The following SLC44A5 variants were observed in gnomAD, a reference collection of about 807,000 sequenced individuals.
SLC44A5 encodes choline transporter-like protein 5.
A neutral mutation model predicts 101.8 loss-of-function variants in SLC44A5; 57 were observed. That is an observed-to-expected ratio of 0.56 (90% CI 0.45 to 0.70). SLC44A5 has a LOEUF of 0.70. SLC44A5 is among the 30% of genes least tolerant of loss of function. The pLI, the probability that SLC44A5 is intolerant of heterozygous loss-of-function variation, is 0.00. For synonymous variants in SLC44A5, 281 were observed against 290.9 expected, an observed-to-expected ratio of 0.97 and a Z score of 0.35; for missense variants, 737 against 853.1, an observed-to-expected ratio of 0.86 and a Z score of 1.70.
the SLC44A5 span, among the ~76,000 whole-genome samples, chr1:75,654,870 G>C: frequency 1.3e-5 from 2 of 151,916 alleles, no homozygotes; most frequent in Non-Finnish European, 2.9e-5. Context: ...TCTATTGCTC[G>C]AAAGTACTGG....
At chr1:75,569,423 G>A (rs1672958331) in intron 1 of SLC44A5, among the ~76,000 whole-genome samples, 1 of 151,514 alleles carries the variant, frequency 6.6e-6, no homozygotes, top group Non-Finnish European at 1.5e-5. Context: ...TGTATTTTTT[G>A]TAGAGACAAG....
intron 2 of SLC44A5, among the ~76,000 whole-genome samples, chr1:75,533,753 T>G (rs917363513): frequency 3.3e-5 from 5 of 152,196 alleles, no homozygotes; most frequent in African/African-American, 1.2e-4. Flanking sequence ...CTATGCACAT[T>G]TCCCCATTGC....
intron 2 of SLC44A5, among the ~76,000 whole-genome samples, chr1:75,409,274 C>A (rs762354837): frequency 2.0e-5 from 3 of 152,142 alleles, no homozygotes; most frequent in South Asian, 2.1e-4. Flanking sequence ...TTGTTTAGTA[C>A]CCTGAATATA....
At chr1:75,650,470 A>T in the SLC44A5 span, among the ~76,000 whole-genome samples, 1 of 152,238 alleles carries the variant, frequency 6.6e-6, no homozygotes, top group African/African-American at 2.4e-5. Flanking sequence ...TTTTCTTTGA[A>T]ATTCTATGCA....
chr1:75,410,574 C>G (rs1453478477), intron 2 of SLC44A5, among the ~76,000 whole-genome samples: 2 of 152,124 alleles, frequency 1.3e-5, no homozygotes, highest in Non-Finnish European at 2.9e-5. Flanking sequence ...AAGGTCCAGC[C>G]TCTTTCCTTA....
intron 2 of SLC44A5, among the ~76,000 whole-genome samples, chr1:75,507,481 T>G (rs1202440051): frequency 6.6e-6 from 1 of 152,180 alleles, no homozygotes; most frequent in Admixed American, 6.5e-5. Context: ...TTTGTGTCTA[T>G]GTTTATTAGG....
chr1:75,387,055 C>T (rs1211544090), intron 3 of SLC44A5, among the ~76,000 whole-genome samples: 6 of 151,948 alleles, frequency 3.9e-5, no homozygotes, highest in Non-Finnish European at 7.4e-5. Context: ...ATACAAAAAT[C>T]AATTCAAGAT....
chr1:75,342,506 A>T (rs1657959783), intron 3 of SLC44A5, among the ~76,000 whole-genome samples: 2 of 151,674 alleles, frequency 1.3e-5, no homozygotes, highest in African/African-American at 4.8e-5. Flanking sequence ...CTCAGCTAAC[A>T]AGAGGCGGAG....
chr1:75,234,050 C>G lies in SLC44A5; in HGVS notation c.789G>C (p.Leu263=), dbSNP rs1349812884. 1 of 1,613,506 alleles carries G rather than the reference C, an allele frequency of 6.2e-7. No homozygotes were observed. The highest frequency in any genetic ancestry group is 1.1e-5 in the South Asian group (1 of 91,046). The change falls in exon 12 of 24, where the codon CTG becomes CTC. Residue 263 remains leucine, a synonymous_variant. Coordinates refer to ENST00000370859, the MANE Select transcript of SLC44A5 (RefSeq NM_001130058.2). The part of the protein sequence containing the change: ...MVLSWIFLIL[L]RFIAGCLFWV... ...AGAAGAGGCATCCAGCTATGAACCT[C>G]AGAAGTATCAAAAATATCCAACTAA...
At chr1:75,256,699 T>A (rs1022365142) in intron 6 of SLC44A5, among the ~76,000 whole-genome samples, 1 of 151,734 alleles carries the variant, frequency 6.6e-6, no homozygotes, top group Non-Finnish European at 1.5e-5. Context: ...AAGTAAAAGG[T>A]GAAAGGGAAC....
chr1:75,282,735 C>T (rs1438040033), intron 5 of SLC44A5, among the ~76,000 whole-genome samples: 1 of 152,006 alleles, frequency 6.6e-6, no homozygotes, highest in Non-Finnish European at 1.5e-5. Flanking sequence ...GGGGCTTTTC[C>T]CCCTTTGCTC....
intron 5 of SLC44A5, among the ~76,000 whole-genome samples, chr1:75,287,745 A>C (rs1653189300): frequency 1.3e-5 from 2 of 152,132 alleles, no homozygotes; most frequent in Admixed American, 1.3e-4. Flanking sequence ...CAGTGGAACT[A>C]AAGGGCTGTG....
At chr1:75,244,463 A>T (rs1457685163) in intron 7 of SLC44A5, among the ~76,000 whole-genome samples, 1 of 152,106 alleles carries the variant, frequency 6.6e-6, no homozygotes, top group South Asian at 2.1e-4. Context: ...TTCTCTGAAT[A>T]TTGAACACCT....
chr1:75,371,936 C>A (rs1660252080), intron 3 of SLC44A5, among the ~76,000 whole-genome samples: 1 of 152,168 alleles, frequency 6.6e-6, no homozygotes, highest in African/African-American at 2.4e-5. Context: ...GTGGCTCAAG[C>A]CCGTAATCCC....
chr1:75,220,821 T>C (rs1294386039), intron 14 of SLC44A5, among the ~76,000 whole-genome samples: 1 of 152,170 alleles, frequency 6.6e-6, no homozygotes, highest in Non-Finnish European at 1.5e-5. Flanking sequence ...GCTACCTTCC[T>C]CACCTCACTA....
At chr1:75,428,517 T>C (rs1664437619) in intron 2 of SLC44A5, among the ~76,000 whole-genome samples, 1 of 152,194 alleles carries the variant, frequency 6.6e-6, no homozygotes, top group African/African-American at 2.4e-5. Context: ...AATGAAGCTT[T>C]AGAGTGCAAA....
intron 4 of SLC44A5, among the ~76,000 whole-genome samples, chr1:75,309,350 T>A (rs1330142841): frequency 6.6e-6 from 1 of 152,136 alleles, no homozygotes; most frequent in Non-Finnish European, 1.5e-5. Flanking sequence ...GAACTTGAGC[T>A]CACGAGTTCA....
At position 75,203,577 on chromosome 1, in the gene SLC44A5, A is replaced by T; in HGVS notation, c.*150T>A. The T allele has an allele frequency of 1.2e-6, 1 of 867,458 alleles. No homozygotes were observed. The highest frequency in any genetic ancestry group is 1.7e-6 in the Non-Finnish European group (1 of 591,606). 53.7% of individuals were successfully genotyped at this position (867,458 alleles called of 1,614,324 possible). The stretch of plus-strand genomic sequence containing the variant: ...TTCTGATGGCTTCACATAGTACAGT[A>T]TAAGCTTTGGTATAAAACATGCAAA... On this transcript the variant is annotated 3_prime_UTR_variant, in exon 24 of 24. Coordinates refer to ENST00000370859, the MANE Select transcript of SLC44A5 (RefSeq NM_001130058.2).
In SLC44A5 at chr1:75,588,011, G is replaced by A. The variant is rs186831347; in HGVS notation, c.-70+23029C>T. Among the ~76,000 whole-genome samples the A allele has an allele frequency of 1.8e-3, 277 of 152,256 alleles. 2 individuals carry two copies. The highest frequency in any genetic ancestry group is 5.9e-3 in the African/African-American group (244 of 41,546). ...GCAAGCCAATGTGAGAAACCAGAAG[G>A]CAAATCTGGTCATTTGTGGGTATAC... On this transcript the variant is annotated intron_variant, in intron 1 of 23. Transcript: ENST00000370859.
Sources: gnomAD v4.1 joint callset for allele counts (sites outside exome capture counted in the v4.1 genomes callset) on GRCh38, gnomAD v4.1.1 for gene constraint, MANE v1.5 for transcripts, NCBI Gene and HGNC (gene_info 2026-07-23, HGNC 2026-07-21) for gene names.